The following TAFA1 variants were observed in gnomAD, a reference collection of about 807,000 sequenced individuals.
TAFA1 encodes TAFA chemokine like family member 1, also known as chemokine-like protein TAFA-1.
Under a neutral mutation model 18.5 loss-of-function variants are expected in TAFA1, and 4 were observed. The observed-to-expected ratio is 0.22, with a 90% confidence interval of 0.11 to 0.49. TAFA1 has a LOEUF of 0.49. Among genes scored for constraint, TAFA1 ranks in the 20% least tolerant of loss-of-function variants. TAFA1 has a pLI of 0.98. For missense variants in TAFA1, 147 were observed against 169.0 expected, an observed-to-expected ratio of 0.87 and a Z score of 0.72; for synonymous variants, 56 against 55.2, an observed-to-expected ratio of 1.01 and a Z score of -0.06.
chr3:68,449,481 T>C (rs966795081), intron 3 of TAFA1, among the ~76,000 whole-genome samples: 2 of 152,168 alleles, frequency 1.3e-5, no homozygotes, highest in Non-Finnish European at 2.9e-5. Flanking sequence ...ATCAAACTTA[T>C]GTTTTAGAAA....
chr3:68,026,024 G>T (rs548593628), intron 2 of TAFA1, among the ~76,000 whole-genome samples: 4 of 152,094 alleles, frequency 2.6e-5, no homozygotes, highest in African/African-American at 4.8e-5. Flanking sequence ...ATAAATATTT[G>T]CTGACTAAAT....
intron 2 of TAFA1, among the ~76,000 whole-genome samples, chr3:68,267,713 G>A (rs1269223823): frequency 6.6e-6 from 1 of 151,962 alleles, no homozygotes; most frequent in Non-Finnish European, 1.5e-5. Flanking sequence ...AAAGATATAA[G>A]CCTTATATGG....
At chr3:68,161,213 C>A (rs2065922038) in intron 2 of TAFA1, among the ~76,000 whole-genome samples, 1 of 152,088 alleles carries the variant, frequency 6.6e-6, no homozygotes, top group South Asian at 2.1e-4. Context: ...ATATGCTGGA[C>A]CAAAAAAATT....
chr3:68,383,775 C>A (rs1327640130), intron 2 of TAFA1, among the ~76,000 whole-genome samples: 1 of 152,008 alleles, frequency 6.6e-6, no homozygotes, highest in East Asian at 1.9e-4. Flanking sequence ...CTTTTTATAT[C>A]TGGTAGTATT....
chr3:68,472,586 A>G (rs2072020974), intron 3 of TAFA1, among the ~76,000 whole-genome samples: 1 of 152,128 alleles, frequency 6.6e-6, no homozygotes, highest in African/African-American at 2.4e-5. Flanking sequence ...TTGTATCATT[A>G]TCTATATATC....
chr3:68,056,028 G>T (rs1217587630), intron 2 of TAFA1, among the ~76,000 whole-genome samples: 1 of 152,028 alleles, frequency 6.6e-6, no homozygotes, highest in Non-Finnish European at 1.5e-5. Flanking sequence ...ATGGTACTTG[G>T]TCCAACTATC....
chr3:68,233,963 C>T lies in TAFA1; in HGVS notation c.119-183317C>T, dbSNP rs535518800. 2.0e-3 allele frequency among the ~76,000 whole-genome samples: 306 copies of T among 152,050 alleles called. 1 individual carries two copies. The highest frequency in any genetic ancestry group is 2.3e-3 in the Non-Finnish European group (155 of 67,990). ...GGAAATATGAGGAAGAAGAAAAGAC[C>T]GAAACTGGCAGAAAAGCAATGGTAA... On this transcript the variant is annotated intron_variant, in intron 2 of 4. Coordinates refer to ENST00000478136, the MANE Select transcript of TAFA1 (RefSeq NM_213609.4).
intron 2 of TAFA1, among the ~76,000 whole-genome samples, chr3:68,274,316 A>G (rs1559593821): frequency 6.6e-6 from 1 of 152,230 alleles, no homozygotes; most frequent in East Asian, 1.9e-4. Context: ...TATTAAATGA[A>G]GGATTCAAAA....
intron 2 of TAFA1, among the ~76,000 whole-genome samples, chr3:68,194,326 A>C (rs926456907): frequency 6.6e-6 from 1 of 151,714 alleles, no homozygotes; most frequent in Admixed American, 6.6e-5. Context: ...TTGGTGGCTG[A>C]AGTATGATCA....
intron 3 of TAFA1, among the ~76,000 whole-genome samples, chr3:68,536,509 G>C (rs1471193815): frequency 6.6e-6 from 1 of 152,170 alleles, no homozygotes; most frequent in Non-Finnish European, 1.5e-5. Flanking sequence ...CAACCAGAAA[G>C]CATCGTAAGA....
At chr3:68,124,148 C>G (rs2065436728) in intron 2 of TAFA1, among the ~76,000 whole-genome samples, 1 of 152,052 alleles carries the variant, frequency 6.6e-6, no homozygotes, top group Non-Finnish European at 1.5e-5. Flanking sequence ...GTTAATGTTG[C>G]CTTCAGCTTA....
At chr3:68,523,817 G>A (rs952584304) in intron 3 of TAFA1, among the ~76,000 whole-genome samples, 2 of 152,028 alleles carry the variant, frequency 1.3e-5, no homozygotes, top group African/African-American at 4.8e-5. Context: ...TTATAGATTG[G>A]GGTTTGTTGT....
intron 2 of TAFA1, among the ~76,000 whole-genome samples, chr3:68,212,974 C>T (rs1455044753): frequency 2.6e-5 from 4 of 151,464 alleles, no homozygotes; most frequent in Non-Finnish European, 5.9e-5. Context: ...CATTCCCTCG[C>T]GTTAACCCTC....
intron 2 of TAFA1, among the ~76,000 whole-genome samples, chr3:68,235,385 T>G (rs1204305124): frequency 3.9e-5 from 6 of 152,210 alleles, no homozygotes; most frequent in Non-Finnish European, 7.3e-5. Flanking sequence ...CTACCAGTTA[T>G]AAAATTCTGG....
intron 2 of TAFA1, among the ~76,000 whole-genome samples, chr3:68,370,353 T>TATATATATATAC (rs776307736): frequency 4.9e-5 from 2 of 41,126 alleles, no homozygotes; most frequent in African/African-American, 1.1e-4. Context: ...TATATATATA[T>TATATATATATAC]ACACACACAC....
At chr3:68,120,069 G>A (rs1174540412) in intron 2 of TAFA1, among the ~76,000 whole-genome samples, 1 of 152,180 alleles carries the variant, frequency 6.6e-6, no homozygotes, top group Admixed American at 6.5e-5. Context: ...TGGGAGAGCA[G>A]TAAAAAATAC....
intron 2 of TAFA1, among the ~76,000 whole-genome samples, chr3:68,389,782 C>T (rs1162113959): frequency 4.6e-5 from 7 of 152,050 alleles, no homozygotes; most frequent in Non-Finnish European, 7.4e-5. Flanking sequence ...CTCCCCTAGC[C>T]GAGGGAAGCA....
chr3:68,302,315 C>T (rs2106647096), intron 2 of TAFA1, among the ~76,000 whole-genome samples: 1 of 152,302 alleles, frequency 6.6e-6, no homozygotes, highest in Middle Eastern at 3.4e-3. Flanking sequence ...TGACTATTTA[C>T]TGACCATCTC....
At chr3:68,233,192 A>G (rs921029213) in intron 2 of TAFA1, among the ~76,000 whole-genome samples, 2 of 151,808 alleles carry the variant, frequency 1.3e-5, no homozygotes, top group Non-Finnish European at 2.9e-5. Context: ...CCATTTTTTA[A>G]TGAGTTTATT....
Sources: gnomAD v4.1 joint callset for allele counts (sites outside exome capture counted in the v4.1 genomes callset) on GRCh38, gnomAD v4.1.1 for gene constraint, MANE v1.5 for transcripts, NCBI Gene and HGNC (gene_info 2026-07-23, HGNC 2026-07-21) for gene names.